SPOCK1: variants seen among roughly 807,000 people sequenced by gnomAD.
SPOCK1 encodes testican-1.
SPOCK1 carries 23 observed loss-of-function variants against 55.3 expected under a neutral mutation model. The observed-to-expected ratio is 0.42, with a 90% CI of 0.30 to 0.59. The LOEUF (loss-of-function observed/expected upper bound fraction) is 0.59. SPOCK1 is among the 20% of genes least tolerant of loss of function. The pLI is 0.22. For missense variants in SPOCK1, 499 were observed against 552.5 expected (o/e 0.90, Z 0.97); for synonymous variants, 226 against 221.0 (o/e 1.02, Z -0.20).
At chr5:137,066,057 G>A (rs1388126722) in intron 6 of SPOCK1, among the ~76,000 whole-genome samples, 1 of 152,180 alleles carries the variant, frequency 6.6e-6, no homozygotes, top group Non-Finnish European at 1.5e-5. Context: ...TATAATGGCA[G>A]ACTTGGAGGC....
intron 2 of SPOCK1, among the ~76,000 whole-genome samples, chr5:137,466,991 T>C (rs1753635654): frequency 1.3e-5 from 2 of 152,326 alleles, no homozygotes; most frequent in South Asian, 4.1e-4. Flanking sequence ...TCCACTCACA[T>C]GGTTGTTGGC....
rs185410274 is a variant in SPOCK1, at chr5:137,073,042, C to T, written c.475-5213G>A. ...CCATTTCTGCACAGAGCTTGAGTGG[C>T]TCAGTGTTCATCTGGAAGAAGCTAT... is the stretch of plus-strand genomic sequence containing the variant. On this transcript the variant is annotated intron_variant, in intron 5 of 10. Transcript: ENST00000394945. Among the ~76,000 whole-genome samples the T allele has an allele frequency of 1.1e-4, 16 of 152,314 alleles. No homozygotes were observed. The East Asian group carries it at 2.3e-3, about 22-fold the overall frequency.
chr5:137,368,295 G>C (rs1751120555), intron 2 of SPOCK1, among the ~76,000 whole-genome samples: 1 of 152,190 alleles, frequency 6.6e-6, no homozygotes, highest in African/African-American at 2.4e-5. Flanking sequence ...GTGGACAAAA[G>C]ACATGGGGAG....
intron 6 of SPOCK1, among the ~76,000 whole-genome samples, chr5:137,038,841 G>A (rs934531868): frequency 7.9e-5 from 12 of 152,028 alleles, no homozygotes; most frequent in African/African-American, 1.2e-4. Flanking sequence ...CCCCTAGAAG[G>A]TATAAGCTCT....
chr5:137,205,659 G>A (rs772626802), intron 3 of SPOCK1, among the ~76,000 whole-genome samples: 5 of 152,182 alleles, frequency 3.3e-5, no homozygotes, highest in Admixed American at 6.5e-5. Flanking sequence ...CAGTTTTAGA[G>A]AAGATGCATG....
chr5:137,451,253 T>A (rs976910627), intron 2 of SPOCK1, among the ~76,000 whole-genome samples: 2 of 152,160 alleles, frequency 1.3e-5, no homozygotes, highest in Non-Finnish European at 2.9e-5. Flanking sequence ...CCAGGAGCCA[T>A]GCTTGATCAT....
intron 2 of SPOCK1, among the ~76,000 whole-genome samples, chr5:137,332,816 T>C (rs1288331637): frequency 6.6e-6 from 1 of 152,180 alleles, no homozygotes; most frequent in Non-Finnish European, 1.5e-5. Context: ...AAAAAATGCA[T>C]ATATAACAAA....
intron 2 of SPOCK1, among the ~76,000 whole-genome samples, chr5:137,495,027 A>G (rs1054276735): frequency 3.0e-4 from 45 of 152,374 alleles, no homozygotes; most frequent in African/African-American, 1.0e-3. Flanking sequence ...CATTGTGTAC[A>G]AAAGTCCAGG....
At chr5:137,333,061 C>T (rs1394110406) in intron 2 of SPOCK1, among the ~76,000 whole-genome samples, 1 of 152,194 alleles carries the variant, frequency 6.6e-6, no homozygotes, top group Non-Finnish European at 1.5e-5. Context: ...GGTCAACTCC[C>T]TGCCTACTAG....
At chr5:137,136,250 A>G (rs1373979620) in intron 4 of SPOCK1, among the ~76,000 whole-genome samples, 1 of 152,164 alleles carries the variant, frequency 6.6e-6, no homozygotes, top group Non-Finnish European at 1.5e-5. Flanking sequence ...ATTTAGGTCT[A>G]CGACTCATTT....
intron 6 of SPOCK1, among the ~76,000 whole-genome samples, chr5:137,007,333 A>C (rs1751267181): frequency 2.0e-5 from 3 of 152,124 alleles, no homozygotes; most frequent in African/African-American, 7.2e-5. Context: ...GCAAAGAAAA[A>C]AAAAACCTAT....
chr5:137,497,540 C>T (rs986169518), intron 2 of SPOCK1, among the ~76,000 whole-genome samples: 5 of 152,208 alleles, frequency 3.3e-5, no homozygotes, highest in African/African-American at 9.6e-5. Context: ...TCCCACAGAA[C>T]AGAGGAGATG....
intron 3 of SPOCK1, among the ~76,000 whole-genome samples, chr5:137,204,423 A>T (rs1440723786): frequency 6.6e-6 from 1 of 152,138 alleles, no homozygotes; most frequent in African/African-American, 2.4e-5. Context: ...AGCAGATTGG[A>T]AAGAGGGAAA....
intron 2 of SPOCK1, among the ~76,000 whole-genome samples, chr5:137,372,056 T>C (rs1751211804): frequency 6.6e-6 from 1 of 152,232 alleles, no homozygotes; most frequent in African/African-American, 2.4e-5. Flanking sequence ...ATGCCATCAA[T>C]ATTTTAAAAT....
In SPOCK1 at chr5:137,086,944, C is replaced by G. The variant is rs191206765; in HGVS notation, c.475-19115G>C. Among the ~76,000 whole-genome samples the G allele has an allele frequency of 3.3e-5, 5 of 152,236 alleles. 1 individual carries two copies. The highest frequency in any genetic ancestry group is 3.3e-4 in the Admixed American group (5 of 15,294). On this transcript the variant is annotated intron_variant, in intron 5 of 10. Coordinates refer to ENST00000394945, the MANE Select transcript of SPOCK1 (RefSeq NM_004598.4). ...TGGAGAAACTGAGACTCACAGAAGT[C>G]ACAGGATTTGCCCAAGGTCACCGGG...
chr5:137,269,618 C>T (rs938453660), intron 2 of SPOCK1, among the ~76,000 whole-genome samples: 6 of 152,200 alleles, frequency 3.9e-5, no homozygotes, highest in African/African-American at 1.2e-4. Context: ...CTTCCACACA[C>T]GGTGAGTATA....
At chr5:137,071,210 T>C (rs1220289773) in intron 5 of SPOCK1, among the ~76,000 whole-genome samples, 1 of 152,002 alleles carries the variant, frequency 6.6e-6, no homozygotes, top group East Asian at 1.9e-4. Context: ...CCCAGGCTGG[T>C]CTCAAACTCC....
At chr5:137,370,524 G>C (rs565207813) in intron 2 of SPOCK1, among the ~76,000 whole-genome samples, 8 of 152,252 alleles carry the variant, frequency 5.3e-5, no homozygotes, top group Non-Finnish European at 1.0e-4. Context: ...CAAGAGAAAG[G>C]CTCCTTGAAA....
intron 6 of SPOCK1, among the ~76,000 whole-genome samples, chr5:137,010,789 T>C (rs17170848): frequency 0.026 from 3,977 of 152,238 alleles, 135 homozygotes; most frequent in African/African-American, 0.072. Context: ...ACCAGGTACC[T>C]ACCACATGCC....
Sources: allele counts gnomAD v4.1 joint callset (sites outside exome capture counted in the v4.1 genomes callset), GRCh38; gene constraint gnomAD v4.1.1; transcripts MANE v1.5; gene names NCBI Gene and HGNC (gene_info 2026-07-23, HGNC 2026-07-21).